Variants in ACTR3C observed in about 807,000 individuals in gnomAD.
ACTR3C encodes actin related protein 3C, also known as actin-related protein 3C.
Under a neutral mutation model 26.3 loss-of-function variants are expected in ACTR3C, and 18 were observed. That is an observed-to-expected ratio of 0.68 (90% confidence interval 0.47 to 1.01). The LOEUF is 1.01. Ranked by LOEUF, ACTR3C falls within the 50% of genes least tolerant of loss-of-function variation. The pLI is 0.00. For synonymous variants in ACTR3C, 55 were observed against 94.5 expected (o/e 0.58, Z 2.42); for missense variants, 184 against 250.7 (o/e 0.73, Z 1.80).
At chr7:149,996,342 C>T in the ACTR3C span, among the ~76,000 whole-genome samples, 1 of 150,030 alleles carries the variant, frequency 6.7e-6, no homozygotes, top group African/African-American at 2.4e-5. Flanking sequence ...GGGGCAGAGG[C>T]TTGGCATGAC....
At chr7:150,094,116 GT>G in the ACTR3C span, among the ~76,000 whole-genome samples, 1 of 150,594 alleles carries the variant, frequency 6.6e-6, no homozygotes, top group African/African-American at 2.5e-5. Flanking sequence ...GCCTACCCTA[GT>G]GATCGAATTA....
At chr7:150,178,020 T>C in the ACTR3C span, among the ~76,000 whole-genome samples, 2 of 150,778 alleles carry the variant, frequency 1.3e-5, no homozygotes, top group Admixed American at 6.6e-5. Context: ...ACATTGATTA[T>C]GAGACACAAC....
At chr7:150,142,821 G>C in the ACTR3C span, among the ~76,000 whole-genome samples, 1 of 149,416 alleles carries the variant, frequency 6.7e-6, no homozygotes, top group African/African-American at 2.5e-5. Context: ...GAGCCACTAC[G>C]CCTGGCTTTT....
chr7:150,291,162 G>C (rs1385867415), intron 3 of ACTR3C, among the ~76,000 whole-genome samples: 1 of 152,204 alleles, frequency 6.6e-6, no homozygotes, highest in Admixed American at 6.5e-5. Context: ...CGGGCATAGT[G>C]GCTCACGCCT....
chr7:150,314,326 A>G (rs1796610697), intron 1 of ACTR3C, among the ~76,000 whole-genome samples: 2 of 152,132 alleles, frequency 1.3e-5, no homozygotes, highest in South Asian at 4.1e-4. Context: ...TATTTAATAC[A>G]CCTTAGAAAA....
At chr7:149,904,556 A>T in the ACTR3C span, among the ~76,000 whole-genome samples, 9,943 of 109,334 alleles carry the variant, frequency 0.091, 1,830 homozygotes, top group African/African-American at 0.14. Context: ...CAACAAAAAA[A>T]ACTTTAGAAC....
the ACTR3C span, among the ~76,000 whole-genome samples, chr7:150,037,041 A>C: frequency 1.5e-4 from 14 of 96,152 alleles, no homozygotes; most frequent in African/African-American, 4.5e-4. Context: ...GGAAGAGGGG[A>C]TAGCTCTCAG....
the ACTR3C span, among the ~76,000 whole-genome samples, chr7:150,028,574 C>G: frequency 7.9e-5 from 12 of 152,390 alleles, no homozygotes; most frequent in Admixed American, 2.0e-4. Flanking sequence ...AGGCTGATCC[C>G]GTGGGCACCT....
chr7:150,015,433 T>G, the ACTR3C span, among the ~76,000 whole-genome samples: 1 of 152,180 alleles, frequency 6.6e-6, no homozygotes, highest in Non-Finnish European at 1.5e-5. Flanking sequence ...ACATCCATTT[T>G]CCATCACATA....
intron 1 of ACTR3C, among the ~76,000 whole-genome samples, chr7:150,299,484 A>G (rs1238345891): frequency 1.4e-5 from 2 of 145,004 alleles, no homozygotes; most frequent in African/African-American, 2.7e-5. Context: ...AAAAAAAAAA[A>G]AAAAAAAAAA....
the ACTR3C span, among the ~76,000 whole-genome samples, chr7:150,162,911 A>G: frequency 4.6e-4 from 70 of 152,176 alleles, no homozygotes; most frequent in East Asian, 6.0e-3. Flanking sequence ...CAGCACTTTG[A>G]GAGGCCAAGG....
chr7:150,047,144 A>C, the ACTR3C span, among the ~76,000 whole-genome samples: 1 of 151,572 alleles, frequency 6.6e-6, no homozygotes. Flanking sequence ...AGTGAGTAGG[A>C]GAGGAGGGGC....
the ACTR3C span, among the ~76,000 whole-genome samples, chr7:150,195,196 C>A: frequency 2.7e-4 from 41 of 150,818 alleles, no homozygotes; most frequent in Middle Eastern, 3.5e-3. Flanking sequence ...GAACTGGGAA[C>A]ATACTGTTAT....
At chr7:150,252,905 A>G (rs59714575) in intron 6 of ACTR3C, among the ~76,000 whole-genome samples, 3,480 of 149,132 alleles carry the variant, frequency 0.023, 154 homozygotes, top group African/African-American at 0.085. Context: ...CCCAACAGCT[A>G]TCTCAATTGT....
intron 4 of ACTR3C, among the ~76,000 whole-genome samples, chr7:150,286,953 C>T (rs1016507352): frequency 5.9e-5 from 9 of 152,254 alleles, no homozygotes; most frequent in East Asian, 1.9e-4. Flanking sequence ...CTACCGAGTG[C>T]GGCACTGTCT....
chr7:150,130,476 A>G, the ACTR3C span, among the ~76,000 whole-genome samples: 105 of 152,320 alleles, frequency 6.9e-4, no homozygotes, highest in Non-Finnish European at 1.1e-3. Flanking sequence ...TAGGAAGGCA[A>G]TGTCCAATAA....
At chr7:150,198,011 C>A in the ACTR3C span, among the ~76,000 whole-genome samples, 1 of 151,296 alleles carries the variant, frequency 6.6e-6, no homozygotes, top group Non-Finnish European at 1.5e-5. Context: ...TGCGCCGCCA[C>A]GCCTGACTGG....
chr7:150,153,179 A>T, the ACTR3C span, among the ~76,000 whole-genome samples: 1 of 152,206 alleles, frequency 6.6e-6, no homozygotes, highest in East Asian at 1.9e-4. Flanking sequence ...CTTCATGTGT[A>T]AAACACCAAA....
At chr7:149,992,326 C>A in the ACTR3C span, among the ~76,000 whole-genome samples, 1 of 152,234 alleles carries the variant, frequency 6.6e-6, no homozygotes, top group East Asian at 1.9e-4. Context: ...CATGAAAACA[C>A]CTTCTCTCAT....
Sources: allele counts gnomAD v4.1 joint callset (sites outside exome capture counted in the v4.1 genomes callset), GRCh38; gene constraint gnomAD v4.1.1; transcripts MANE v1.5; gene names NCBI Gene and HGNC (gene_info 2026-07-23, HGNC 2026-07-21).